PPP1R9A: variants seen among roughly 807,000 people sequenced by gnomAD.
The protein encoded by PPP1R9A is protein phosphatase 1 regulatory subunit 9A.
In PPP1R9A, 59 loss-of-function variants were observed where a neutral mutation model predicts 141.9. The ratio of observed to expected loss-of-function variants is 0.42; its 90% confidence interval spans 0.34 to 0.52. The LOEUF is 0.52. Ranked by LOEUF, PPP1R9A falls within the 20% of genes least tolerant of loss-of-function variation. PPP1R9A has a pLI of 0.10. For synonymous variants in PPP1R9A, 500 were observed against 569.7 expected, an observed-to-expected ratio of 0.88 and a Z score of 1.74; for missense variants, 1,444 against 1,611.9, an observed-to-expected ratio of 0.90 and a Z score of 1.78.
chr7:95,094,879 C>CAAAA (rs1166550834), intron 2 of PPP1R9A, among the ~76,000 whole-genome samples: 16 of 44,986 alleles, frequency 3.6e-4, no homozygotes, highest in African/African-American at 1.1e-3. Flanking sequence ...GACTGCGTCT[C>CAAAA]AAAAAAAAAA....
chr7:95,082,388 G>A (rs928621803), intron 2 of PPP1R9A, among the ~76,000 whole-genome samples: 1 of 152,096 alleles, frequency 6.6e-6, no homozygotes, highest in Non-Finnish European at 1.5e-5. Flanking sequence ...GAGGCTCTGT[G>A]TAAGCCAGAA....
At chr7:95,195,715 G>A (rs954825360) in intron 5 of PPP1R9A, among the ~76,000 whole-genome samples, 6 of 151,728 alleles carry the variant, frequency 4.0e-5, no homozygotes, top group Non-Finnish European at 8.8e-5. Flanking sequence ...GTGTATGTTT[G>A]TATATGTATA....
chr7:95,064,194 G>A (rs918142056), intron 2 of PPP1R9A, among the ~76,000 whole-genome samples: 1 of 152,068 alleles, frequency 6.6e-6, no homozygotes, highest in African/African-American at 2.4e-5. Context: ...GCCAGCCTCT[G>A]GTCACATTTT....
intron 12 of PPP1R9A, among the ~76,000 whole-genome samples, chr7:95,256,335 CAT>C (rs1343757675): frequency 6.6e-6 from 1 of 152,066 alleles, no homozygotes; most frequent in African/African-American, 2.4e-5. Context: ...AAAACCTACT[CAT>C]ATAAAATCAA....
intron 2 of PPP1R9A, among the ~76,000 whole-genome samples, chr7:94,980,363 A>G (rs1242861295): frequency 6.6e-6 from 1 of 152,124 alleles, no homozygotes; most frequent in East Asian, 1.9e-4. Context: ...TTAATATTGT[A>G]TTAATATTAC....
intron 2 of PPP1R9A, among the ~76,000 whole-genome samples, chr7:95,057,940 A>G (rs778883570): frequency 1.3e-5 from 2 of 152,184 alleles, no homozygotes; most frequent in Admixed American, 6.5e-5. Flanking sequence ...TTTGTTCTAA[A>G]TAATTGGAAT....
At chr7:94,968,339 AT>A (rs1235376095) in intron 2 of PPP1R9A, among the ~76,000 whole-genome samples, 1 of 151,832 alleles carries the variant, frequency 6.6e-6, no homozygotes, top group Admixed American at 6.5e-5. Context: ...CGCCCGGCTA[AT>A]TTTTTATATT....
intron 5 of PPP1R9A, among the ~76,000 whole-genome samples, chr7:95,182,210 C>T (rs1211792747): frequency 6.6e-6 from 1 of 151,890 alleles, no homozygotes; most frequent in Non-Finnish European, 1.5e-5. Context: ...GGTGCAGTGA[C>T]TCACACCTGT....
At chr7:95,142,968 CT>C (rs1355529800) in intron 4 of PPP1R9A, among the ~76,000 whole-genome samples, 1 of 152,020 alleles carries the variant, frequency 6.6e-6, no homozygotes, top group Non-Finnish European at 1.5e-5. Context: ...TTATTTCATA[CT>C]AACTGGACTG....
intron 2 of PPP1R9A, among the ~76,000 whole-genome samples, chr7:95,068,012 C>A (rs550179266): frequency 6.6e-6 from 1 of 152,098 alleles, no homozygotes; most frequent in African/African-American, 2.4e-5. Flanking sequence ...GGACTCAGCT[C>A]GCCTGCACCC....
At chr7:95,155,830 A>G (rs1829518820) in intron 4 of PPP1R9A, 1 of 152,242 alleles carries the variant, frequency 6.6e-6, no homozygotes, top group Non-Finnish European at 1.5e-5. Flanking sequence ...AGTTACATAC[A>G]ATCTATTTAA....
intron 16 of PPP1R9A, among the ~76,000 whole-genome samples, chr7:95,274,636 AT>A (rs1802828229): frequency 6.6e-6 from 1 of 152,156 alleles, no homozygotes; most frequent in Non-Finnish European, 1.5e-5. Flanking sequence ...GCACTTGGCT[AT>A]TTAATTGATT....
At chr7:95,203,839 C>A in intron 7 of PPP1R9A, 109 bp downstream of exon 7, 1 of 753,782 alleles carries the variant, frequency 1.3e-6, no homozygotes, top group Admixed American at 3.0e-5. Flanking sequence ...AAGAACTTCT[C>A]TAGAGTGATG....
intron 2 of PPP1R9A, among the ~76,000 whole-genome samples, chr7:94,950,635 GTCT>G (rs1796364445): frequency 6.6e-6 from 1 of 151,740 alleles, no homozygotes; most frequent in Non-Finnish European, 1.5e-5. Context: ...ATCTCTTTGG[GTCT>G]TCTTTAATAT....
intron 7 of PPP1R9A, among the ~76,000 whole-genome samples, chr7:95,220,406 T>A (rs1794249172): frequency 1.3e-5 from 2 of 152,128 alleles, no homozygotes; most frequent in Admixed American, 1.3e-4. Context: ...CCATTTAGTT[T>A]CCCTGAATTT....
chr7:95,166,429 GATAC>G (rs1416629833), intron 5 of PPP1R9A, among the ~76,000 whole-genome samples: 3 of 152,072 alleles, frequency 2.0e-5, no homozygotes, highest in South Asian at 2.1e-4. Flanking sequence ...TAAATTTCTG[GATAC>G]ATATATGTAG....
chr7:95,152,698 A>G lies in PPP1R9A; in HGVS notation c.1650-9169A>G, dbSNP rs1828909029. ...ACTTTTTCTTAAAACTGTCCCTGCTAAAATAGACTCAGTTACCCATATTAC... is the reference window on the plus strand; with the variant it reads ...ACTTTTTCTTAAAACTGTCCCTGCTGAAATAGACTCAGTTACCCATATTAC... On this transcript the variant is annotated intron_variant, in intron 4 of 19. Transcript: ENST00000433360. Among the ~76,000 whole-genome samples, 4 of 152,282 alleles carry G rather than the reference A, an allele frequency of 2.6e-5. 1 individual carries two copies. In the Middle Eastern group the frequency reaches 0.01, roughly 388 times the overall value.
rs140883079 is a variant in PPP1R9A at position 95,090,652 on chromosome 7, G to A, written c.1396-20607G>A. ...GTGAAACACCATCTCTACTAAAAAT[G>A]CACAAATTAGCCAGGTGTGGTGGTG... On this transcript the variant is annotated intron_variant, in intron 2 of 19. Coordinates refer to ENST00000433360, the MANE Select transcript of PPP1R9A (RefSeq NM_001166160.2). Among the ~76,000 whole-genome samples the A allele has an allele frequency of 7.8e-3, 1,177 of 151,654 alleles. 31 individuals carry two copies. Among genetic ancestry groups the A allele is most frequent in the African/African-American group, 0.027 (1,126 of 41,214 alleles).
At chr7:95,103,581 G>C (rs950264825) in intron 2 of PPP1R9A, among the ~76,000 whole-genome samples, 25 of 152,152 alleles carry the variant, frequency 1.6e-4, no homozygotes, top group African/African-American at 5.8e-4. Context: ...TGTTAGCCAG[G>C]TTGGTCTAGA....
Sources: allele counts gnomAD v4.1 joint callset (sites outside exome capture counted in the v4.1 genomes callset), GRCh38; gene constraint gnomAD v4.1.1; transcripts MANE v1.5; gene names NCBI Gene and HGNC (gene_info 2026-07-23, HGNC 2026-07-21).